The following VPS45 variants were observed in gnomAD, a reference collection of about 807,000 sequenced individuals.
VPS45 encodes the protein vacuolar protein sorting 45 homolog.
In VPS45, 35 loss-of-function variants were observed where a neutral mutation model predicts 75.9. The observed-to-expected ratio is 0.46, with a 90% confidence interval of 0.35 to 0.61. The LOEUF is 0.61. VPS45 is among the 20% of genes least tolerant of loss of function. VPS45 has a pLI of 0.00. For synonymous variants in VPS45, 220 were observed against 238.2 expected, an observed-to-expected ratio of 0.92 and a Z score of 0.70; for missense variants, 559 against 685.9, an observed-to-expected ratio of 0.81 and a Z score of 2.07.
chr1:150,135,904 G>T (rs1229756523), intron 14 of VPS45, among the ~76,000 whole-genome samples: 3 of 151,704 alleles, frequency 2.0e-5, no homozygotes, highest in Admixed American at 6.6e-5. Flanking sequence ...CTCCCAAAGT[G>T]CTGGGATTAC....
intron 14 of VPS45, among the ~76,000 whole-genome samples, chr1:150,122,341 G>C (rs1658280327): frequency 6.6e-6 from 1 of 151,948 alleles, no homozygotes; most frequent in Admixed American, 6.6e-5. Context: ...GAGGTGGGGG[G>C]AGTAAGCCAA....
At position 150,102,568 on chromosome 1, in the gene VPS45, G is replaced by T. The variant is rs182312459; in HGVS notation, c.1494-7928G>T. On this transcript the variant is annotated intron_variant, in intron 13 of 14. Coordinates refer to ENST00000644510, the MANE Select transcript of VPS45 (RefSeq NM_007259.5). ...GTCTCAAAAAAAAAAAAAGACACGT[G>T]CACACAAATGTTCATTGCAGCACTT... 4.2e-3 allele frequency among the ~76,000 whole-genome samples: 634 copies of T among 149,808 alleles called. 1 individual carries two copies. The highest frequency in any genetic ancestry group is 0.035 in the Middle Eastern group (10 of 282).
At chr1:150,106,374 G>T (rs11578703) in intron 13 of VPS45, among the ~76,000 whole-genome samples, 3 of 151,950 alleles carry the variant, frequency 2.0e-5, no homozygotes, top group African/African-American at 7.3e-5. Context: ...TACAAGGAAC[G>T]CAATAAGTAA....
At position 150,118,283 on chromosome 1, in the gene VPS45, C is replaced by CA. The variant is rs1255302690; in HGVS notation, c.1625+7673dup. ...TGGGTGACAGGGCAAGACCCTGTCT[C>CA]AAAAAAAAAAAAAAAAAGGTACTAT... is the stretch of plus-strand genomic sequence containing the variant. On this transcript the variant is annotated intron_variant, in intron 14 of 14. Coordinates refer to ENST00000644510, the MANE Select transcript of VPS45 (RefSeq NM_007259.5). 5.6e-3 allele frequency among the ~76,000 whole-genome samples: 402 copies of CA among 71,514 alleles called. 7 individuals carry two copies. The East Asian group carries it at 0.085, about 15-fold the overall frequency. 46.9% of individuals were successfully genotyped at this position (71,514 alleles called of 152,430 possible).
At chr1:150,079,394 T>C (rs1055382123) in intron 7 of VPS45, among the ~76,000 whole-genome samples, 4 of 152,130 alleles carry the variant, frequency 2.6e-5, no homozygotes, top group African/African-American at 9.7e-5. Flanking sequence ...GGGTGCTCTA[T>C]TAATAGTGAT....
intron 14 of VPS45, among the ~76,000 whole-genome samples, chr1:150,117,374 T>C (rs1275366207): frequency 7.5e-5 from 11 of 147,456 alleles, no homozygotes; most frequent in African/African-American, 2.5e-4. Flanking sequence ...ATACAAAAAT[T>C]AGCCAGGCAT....
intron 14 of VPS45, among the ~76,000 whole-genome samples, chr1:150,114,207 C>G (rs1490807722): frequency 1.3e-5 from 2 of 151,806 alleles, no homozygotes; most frequent in African/African-American, 2.4e-5. Context: ...TGCCTGAATC[C>G]CATGCCTGTA....
chr1:150,088,434 A>AATAAATAAAT (rs1400963423), intron 10 of VPS45, among the ~76,000 whole-genome samples: 2 of 125,536 alleles, frequency 1.6e-5, no homozygotes, highest in African/African-American at 6.5e-5. Flanking sequence ...CTGAATAATA[A>AATAAATAAAT]ATATATATAT....
At chr1:150,085,726 A>G (rs917569516) in intron 10 of VPS45, among the ~76,000 whole-genome samples, 11 of 152,098 alleles carry the variant, frequency 7.2e-5, no homozygotes, top group Admixed American at 2.0e-4. Flanking sequence ...ATTGAATAGT[A>G]TCATGACAAG....
chr1:150,142,908 C>G (rs1659469408), intron 14 of VPS45: 1 of 449,776 alleles, frequency 2.2e-6, no homozygotes, highest in African/African-American at 2.0e-5. Flanking sequence ...CCGCCTCAGC[C>G]TCCCAAAGTG....
intron 9 of VPS45, 152 bp downstream of exon 9, chr1:150,082,149 G>A (rs1655749514): frequency 1.7e-6 from 1 of 590,996 alleles, no homozygotes; most frequent in African/African-American, 1.9e-5. Context: ...AAACAATATA[G>A]TGAAAACTTT....
chr1:150,068,077 GA>G (rs1316271765), intron 1 of VPS45, 127 bp downstream of exon 1: 2 of 1,013,974 alleles, frequency 2.0e-6, no homozygotes, highest in African/African-American at 3.3e-5. Context: ...GTGTGGAATT[GA>G]AAAGTTGTTT....
chr1:150,143,256 T>C (rs1461547138), intron 14 of VPS45, among the ~76,000 whole-genome samples: 2 of 152,148 alleles, frequency 1.3e-5, no homozygotes, highest in African/African-American at 4.8e-5. Flanking sequence ...AATGAGACCA[T>C]GCCTGGCCAG....
In VPS45 at chr1:150,092,317, G is replaced by A; in HGVS notation, c.1279G>A (p.Val427Ile). Residue 427 changes from valine (V) to isoleucine (I), a missense_variant, in exon 12 of 15, where the codon GTT (valine) becomes ATT (isoleucine). Physicochemically the swap from Val to Ile is conservative, Grantham distance 29. Coordinates refer to ENST00000644510, the MANE Select transcript of VPS45 (RefSeq NM_007259.5). ...TTCTTAATAGCTCGTGTCTGCAGTT[G>A]TTGAATATGGTGGTAAACGAGTCAG... ...EKYRKLVSAVVEYGGKRVRGS... is the reference protein window; with the variant it reads ...EKYRKLVSAVIEYGGKRVRGS... 1 of 1,614,038 alleles carries A rather than the reference G, an allele frequency of 6.2e-7. No homozygotes were observed. The highest frequency in any genetic ancestry group is 1.1e-5 in the South Asian group (1 of 91,068).
intron 14 of VPS45, among the ~76,000 whole-genome samples, chr1:150,115,841 A>C (rs1553808204): frequency 6.6e-6 from 1 of 152,142 alleles, no homozygotes; most frequent in Non-Finnish European, 1.5e-5. Flanking sequence ...CCGAGGCCTA[A>C]GCCTTCTTTC....
chr1:150,084,124 T>C (rs377139359), intron 10 of VPS45, among the ~76,000 whole-genome samples: 11 of 152,080 alleles, frequency 7.2e-5, no homozygotes, highest in Admixed American at 2.0e-4. Context: ...AGCAAAGATG[T>C]AGAAATATGC....
At chr1:150,081,655 T>C (rs1553799410) in intron 8 of VPS45, among the ~76,000 whole-genome samples, 179 bp downstream of exon 8, 1 of 152,140 alleles carries the variant, frequency 6.6e-6, no homozygotes, top group East Asian at 1.9e-4. Context: ...CTTTAGCAAT[T>C]TTTTTTCATA....
chr1:150,092,613 A>C, intron 12 of VPS45: 1 of 351,228 alleles, frequency 2.8e-6, no homozygotes. Flanking sequence ...CATTGGACCA[A>C]ATAGCTTAGC....
intron 14 of VPS45, among the ~76,000 whole-genome samples, chr1:150,133,468 C>T (rs1658928450): frequency 6.6e-6 from 1 of 152,092 alleles, no homozygotes; most frequent in African/African-American, 2.4e-5. Flanking sequence ...GCAGGAGAAT[C>T]CTTTGAACCA....
Sources: gnomAD v4.1 joint callset for allele counts (sites outside exome capture counted in the v4.1 genomes callset) on GRCh38, gnomAD v4.1.1 for gene constraint, MANE v1.5 for transcripts, NCBI Gene and HGNC (gene_info 2026-07-23, HGNC 2026-07-21) for gene names.